The following PCDH15 variants were observed in gnomAD, a reference collection of about 807,000 sequenced individuals.
PCDH15 encodes the protein protocadherin-15.
A neutral mutation model predicts 178.5 loss-of-function variants in PCDH15; 129 were observed. The observed-to-expected ratio is 0.72, with a 90% CI of 0.63 to 0.84. The LOEUF is 0.84. PCDH15 is among the 40% of genes least tolerant of loss of function. PCDH15 has a pLI of 0.00. For missense variants in PCDH15, 2,230 were observed against 2,099.9 expected, an observed-to-expected ratio of 1.06 and a Z score of -1.21; for synonymous variants, 800 against 732.0, an observed-to-expected ratio of 1.09 and a Z score of -1.50.
chr10:55,259,003 G>A (rs926905459), intron 1 of PCDH15, among the ~76,000 whole-genome samples: 1 of 152,008 alleles, frequency 6.6e-6, no homozygotes, highest in South Asian at 2.1e-4. Context: ...TTTCTTCCCT[G>A]CTATATAAAT....
At chr10:53,839,307 T>C (rs1038675322) in intron 29 of PCDH15, among the ~76,000 whole-genome samples, 2 of 149,496 alleles carry the variant, frequency 1.3e-5, no homozygotes, top group Non-Finnish European at 3.0e-5. Flanking sequence ...ATTGCCAAAA[T>C]AGAAGTGATG....
At chr10:55,374,471 T>C (rs768601289) in intron 2 of PCDH15, among the ~76,000 whole-genome samples, 39 of 152,052 alleles carry the variant, frequency 2.6e-4, no homozygotes, top group Non-Finnish European at 4.9e-4. Flanking sequence ...TGAGAAGAGG[T>C]GTTTGGGCCT....
intron 8 of PCDH15, among the ~76,000 whole-genome samples, chr10:54,274,317 C>CACCCACTT (rs1298468290): frequency 4.6e-5 from 7 of 151,998 alleles, no homozygotes; most frequent in Non-Finnish European, 1.0e-4. Context: ...CTGTCAGAAC[C>CACCCACTT]ACCCACTTTG....
chr10:55,184,453 C>T (rs1451507083), intron 1 of PCDH15, among the ~76,000 whole-genome samples: 1 of 151,946 alleles, frequency 6.6e-6, no homozygotes, highest in Non-Finnish European at 1.5e-5. Context: ...TAAACAGTCT[C>T]ACTCCCCAAA....
chr10:54,579,250 A>T (rs2090803649), intron 2 of PCDH15, among the ~76,000 whole-genome samples: 1 of 152,154 alleles, frequency 6.6e-6, no homozygotes, highest in African/African-American at 2.4e-5. Flanking sequence ...TTCAAGAGAC[A>T]GAACTCCCAT....
intron 2 of PCDH15, among the ~76,000 whole-genome samples, chr10:55,142,888 A>T (rs2132090782): frequency 6.6e-6 from 1 of 152,110 alleles, no homozygotes; most frequent in East Asian, 2.0e-4. Flanking sequence ...ATAAATGCAA[A>T]GTGAGTGATA....
At chr10:54,934,005 T>C (rs930897402) in intron 2 of PCDH15, among the ~76,000 whole-genome samples, 2 of 152,142 alleles carry the variant, frequency 1.3e-5, no homozygotes, top group African/African-American at 2.4e-5. Context: ...AATTAAGATA[T>C]AGAGACACTA....
intron 2 of PCDH15, among the ~76,000 whole-genome samples, chr10:54,961,162 T>C (rs923939351): frequency 6.6e-6 from 1 of 152,226 alleles, no homozygotes; most frequent in African/African-American, 2.4e-5. Flanking sequence ...GCATGCTCCC[T>C]TGTGCCCGCT....
At chr10:55,528,427 C>A (rs1841360234) in intron 2 of PCDH15, among the ~76,000 whole-genome samples, 1 of 151,914 alleles carries the variant, frequency 6.6e-6, no homozygotes, top group Admixed American at 6.6e-5. Context: ...CTTCCTGTGT[C>A]CAAGTGTTCT....
chr10:55,548,502 T>C (rs1841938831), intron 2 of PCDH15, among the ~76,000 whole-genome samples: 2 of 152,128 alleles, frequency 1.3e-5, no homozygotes, highest in Non-Finnish European at 2.9e-5. Context: ...GGTCACTCTC[T>C]AGATAATCCA....
At chr10:55,583,709 C>CA (rs1436779193) in intron 2 of PCDH15, among the ~76,000 whole-genome samples, 1 of 152,046 alleles carries the variant, frequency 6.6e-6, no homozygotes, top group African/African-American at 2.4e-5. Flanking sequence ...GCTGGGATTA[C>CA]AGGCGTAAGC....
intron 2 of PCDH15, among the ~76,000 whole-genome samples, chr10:55,480,951 G>A (rs561285680): frequency 3.3e-5 from 5 of 151,890 alleles, no homozygotes; most frequent in African/African-American, 1.2e-4. Context: ...ATTCAGCTGT[G>A]AATCCATCTG....
chr10:53,933,945 T>C (rs1217069480), intron 25 of PCDH15, among the ~76,000 whole-genome samples: 1 of 152,170 alleles, frequency 6.6e-6, no homozygotes, highest in African/African-American at 2.4e-5. Context: ...CATTTTTTCA[T>C]GTGTTTTTTG....
chr10:54,153,312 A>G lies in PCDH15; in HGVS notation c.1591-19T>C. 6.2e-7 allele frequency: 1 copy of G among 1,613,310 alleles called. No individual in the cohort carries two copies. Among genetic ancestry groups the G allele is most frequent in the South Asian group, 1.1e-5 (1 of 91,066 alleles). The stretch of plus-strand genomic sequence containing the variant: ...CAGTGAGCTGGAATTGAAAATCACA[A>G]CATAAATCCTCTTGGGTCTCAACTT... On this transcript the variant is annotated intron_variant, in intron 13 of 37. Coordinates refer to ENST00000644397, the MANE Select transcript of PCDH15 (RefSeq NM_001384140.1).
At chr10:54,370,126 C>T (rs945164866) in intron 4 of PCDH15, among the ~76,000 whole-genome samples, 17 of 151,930 alleles carry the variant, frequency 1.1e-4, no homozygotes, top group African/African-American at 3.9e-4. Context: ...TATACTTCCT[C>T]AAGTGCCATG....
intron 3 of PCDH15, among the ~76,000 whole-genome samples, chr10:54,510,306 C>T (rs772601403): frequency 6.6e-6 from 1 of 152,142 alleles, no homozygotes; most frequent in South Asian, 2.1e-4. Context: ...AAGAACATAT[C>T]TACCCTGATG....
chr10:54,194,104 A>T lies in PCDH15; in HGVS notation c.1305+1579T>A, dbSNP rs564221307. 3.3e-5 allele frequency among the ~76,000 whole-genome samples: 5 copies of T among 151,952 alleles called. 1 individual carries two copies. The highest frequency in any genetic ancestry group is 6.6e-5 in the Admixed American group (1 of 15,260). ...TAGAATGGAAAAAGAAAACAAAGCA[A>T]AGAGAAACAAAAGAATAAAATAAAG... On this transcript the variant is annotated intron_variant, in intron 11 of 37. Transcript: ENST00000644397.
chr10:54,292,999 C>T (rs1296114925), intron 8 of PCDH15, among the ~76,000 whole-genome samples: 2 of 152,162 alleles, frequency 1.3e-5, no homozygotes, highest in Non-Finnish European at 2.9e-5. Context: ...AAAGAGCCCG[C>T]ATTGCCAAGA....
At chr10:54,738,609 T>C (rs1025946055) in intron 1 of PCDH15, among the ~76,000 whole-genome samples, 2 of 151,866 alleles carry the variant, frequency 1.3e-5, no homozygotes, top group Non-Finnish European at 2.9e-5. Context: ...ATAATAATAA[T>C]AACTATAATC....
Sources: gnomAD v4.1 joint callset for allele counts (sites outside exome capture counted in the v4.1 genomes callset) on GRCh38, gnomAD v4.1.1 for gene constraint, MANE v1.5 for transcripts, NCBI Gene and HGNC (gene_info 2026-07-23, HGNC 2026-07-21) for gene names.